CSGALNACT1: variants seen among roughly 807,000 people sequenced by gnomAD.
CSGALNACT1 encodes the protein chondroitin sulfate N-acetylgalactosaminyltransferase 1, also known as beta4GalNAcT-1.
CSGALNACT1 carries 52 observed loss-of-function variants against 51.0 expected under a neutral mutation model. The observed-to-expected ratio is 1.02, with a 90% CI of 0.82 to 1.29. The LOEUF is 1.29. Ranked by LOEUF, CSGALNACT1 falls within the 50% of genes most tolerant of loss-of-function variation. The pLI, the probability that CSGALNACT1 is intolerant of heterozygous loss-of-function variation, is 0.00. For synonymous variants in CSGALNACT1, 341 were observed against 254.4 expected (o/e 1.34, Z -3.24); for missense variants, 935 against 679.2 (o/e 1.38, Z -4.19).
At chr8:19,480,181 A>G (rs1254228700) in intron 4 of CSGALNACT1, among the ~76,000 whole-genome samples, 1 of 152,208 alleles carries the variant, frequency 6.6e-6, no homozygotes, top group Non-Finnish European at 1.5e-5. Flanking sequence ...CTTCTGCCCC[A>G]GGAATTTATT....
intron 3 of CSGALNACT1, among the ~76,000 whole-genome samples, chr8:19,546,352 C>A (rs539279125): frequency 1.2e-4 from 19 of 152,250 alleles, no homozygotes; most frequent in African/African-American, 4.6e-4. Flanking sequence ...AATGGCAACA[C>A]AATACCCATC....
intron 1 of CSGALNACT1, among the ~76,000 whole-genome samples, chr8:19,696,964 G>A (rs1014562909): frequency 1.3e-5 from 2 of 152,158 alleles, no homozygotes; most frequent in Non-Finnish European, 2.9e-5. Context: ...ATTTGGTGTA[G>A]CTCAAAAGTG....
intron 4 of CSGALNACT1, among the ~76,000 whole-genome samples, chr8:19,489,303 A>G (rs1479328243): frequency 6.6e-6 from 1 of 152,224 alleles, no homozygotes; most frequent in Admixed American, 6.5e-5. Flanking sequence ...AATCATCACT[A>G]TCCAATGTTT....
intron 6 of CSGALNACT1, among the ~76,000 whole-genome samples, chr8:19,427,836 C>T (rs902814138): frequency 2.6e-5 from 4 of 152,042 alleles, no homozygotes; most frequent in African/African-American, 7.2e-5. Flanking sequence ...AACACCATGC[C>T]AAGCCCTCAT....
intron 1 of CSGALNACT1, among the ~76,000 whole-genome samples, chr8:19,746,208 C>G (rs2064652208): frequency 2.0e-5 from 3 of 152,106 alleles, no homozygotes; most frequent in African/African-American, 7.2e-5. Flanking sequence ...TATTCCTTTC[C>G]TTGTATTTCA....
chr8:19,661,473 C>T (rs918766149), intron 1 of CSGALNACT1, among the ~76,000 whole-genome samples: 8 of 152,196 alleles, frequency 5.3e-5, no homozygotes, highest in Non-Finnish European at 1.5e-5. Flanking sequence ...AAGGAATGCA[C>T]CAAACCCACA....
intron 3 of CSGALNACT1, among the ~76,000 whole-genome samples, chr8:19,532,933 C>G (rs546207385): frequency 1.3e-5 from 2 of 152,094 alleles, no homozygotes; most frequent in South Asian, 4.2e-4. Flanking sequence ...ACATCCCATC[C>G]GATCAACACT....
intron 1 of CSGALNACT1, among the ~76,000 whole-genome samples, chr8:19,643,208 A>C (rs992282738): frequency 6.6e-6 from 1 of 152,222 alleles, no homozygotes; most frequent in African/African-American, 2.4e-5. Flanking sequence ...TAAACATTAA[A>C]AAATAATTTT....
chr8:19,536,341 A>C (rs959561123), intron 3 of CSGALNACT1, among the ~76,000 whole-genome samples: 1 of 111,474 alleles, frequency 9.0e-6, no homozygotes, highest in African/African-American at 4.7e-5. Context: ...TTTGTAAAAA[A>C]TGTTAAAAAA....
chr8:19,609,627 C>T (rs1427946291), intron 1 of CSGALNACT1, among the ~76,000 whole-genome samples: 1 of 150,398 alleles, frequency 6.6e-6, no homozygotes, highest in Non-Finnish European at 1.5e-5. Context: ...ACAATTCCAG[C>T]ACATCGGTGT....
intron 4 of CSGALNACT1, among the ~76,000 whole-genome samples, chr8:19,497,984 C>T (rs2075769075): frequency 6.6e-6 from 1 of 152,168 alleles, no homozygotes. Context: ...AATGTTCATC[C>T]TACATATGTT....
intron 9 of CSGALNACT1, among the ~76,000 whole-genome samples, chr8:19,406,752 GA>G (rs746989312): frequency 2.0e-5 from 3 of 151,166 alleles, no homozygotes; most frequent in African/African-American, 4.9e-5. Flanking sequence ...AAACAGAGAA[GA>G]AACGAGGGGC....
chr8:19,439,702 G>C (rs2060991744), intron 6 of CSGALNACT1, 128 bp downstream of exon 5: 1 of 759,032 alleles, frequency 1.3e-6, no homozygotes, highest in South Asian at 1.5e-5. Flanking sequence ...AACACAGCCA[G>C]CAATCAATCC....
intron 4 of CSGALNACT1, among the ~76,000 whole-genome samples, chr8:19,472,935 A>T (rs1008752523): frequency 2.0e-5 from 3 of 152,240 alleles, no homozygotes; most frequent in Non-Finnish European, 4.4e-5. Context: ...ATACATAGGA[A>T]GTACTCAGTG....
chr8:19,406,163 C>G, intron 9 of CSGALNACT1, 94 bp from the exon 9 acceptor site: 1 of 1,431,838 alleles, frequency 7.0e-7, no homozygotes, highest in South Asian at 1.2e-5. Context: ...TAAGACATGA[C>G]TGGGGGGGAT....
In CSGALNACT1 at chr8:19,692,936, C is replaced by T. The variant is rs538525315; in HGVS notation, c.-297+64914G>A. ...GGCAGAAGCCTGGGAAAATGCAATG[C>T]ATCTGATGCTCTGAGGCCTTCAACA... is the stretch of plus-strand genomic sequence containing the variant. On this transcript the variant is annotated intron_variant, in intron 1 of 1. Coordinates refer to the CSGALNACT1 transcript ENST00000517494. Among the ~76,000 whole-genome samples the T allele has an allele frequency of 1.6e-4, 24 of 152,336 alleles. 2 individuals are homozygous for T. The South Asian group carries it at 4.8e-3, about 30-fold the overall frequency.
intron 4 of CSGALNACT1, among the ~76,000 whole-genome samples, chr8:19,492,277 T>C (rs1375944948): frequency 1.3e-5 from 2 of 152,178 alleles, no homozygotes; most frequent in African/African-American, 4.8e-5. Context: ...GCCTGGGACA[T>C]AGTAGACATT....
At chr8:19,514,733 T>TGA (rs1228335066) in intron 3 of CSGALNACT1, among the ~76,000 whole-genome samples, 3 of 149,804 alleles carry the variant, frequency 2.0e-5, no homozygotes, top group African/African-American at 7.4e-5. Flanking sequence ...CTTGGGAGGC[T>TGA]GAGGAAGGAA....
chr8:19,516,360 A>G (rs371889241), intron 3 of CSGALNACT1, among the ~76,000 whole-genome samples: 119 of 152,214 alleles, frequency 7.8e-4, no homozygotes, highest in African/African-American at 2.7e-3. Flanking sequence ...CCACTACGCT[A>G]TACTGTTCAA....
Sources: allele counts gnomAD v4.1 joint callset (sites outside exome capture counted in the v4.1 genomes callset), GRCh38; gene constraint gnomAD v4.1.1; transcripts MANE v1.5; gene names NCBI Gene and HGNC (gene_info 2026-07-23, HGNC 2026-07-21).